WLS: variants seen among roughly 807,000 people sequenced by gnomAD.
The protein encoded by WLS is protein wntless homolog.
A neutral mutation model predicts 62.8 loss-of-function variants in WLS; 23 were observed. The observed-to-expected ratio is 0.37, with a 90% confidence interval of 0.26 to 0.52. WLS has a LOEUF of 0.52. Ranked by LOEUF, WLS falls within the 20% of genes least tolerant of loss-of-function variation. The pLI is 0.92. For missense variants in WLS, 615 were observed against 697.3 expected (o/e 0.88, Z 1.33); for synonymous variants, 246 against 244.1 (o/e 1.01, Z -0.07).
downstream of WLS, among the ~76,000 whole-genome samples, chr1:68,124,628 T>C (rs1646402498): frequency 6.6e-6 from 1 of 152,136 alleles, no homozygotes; most frequent in Non-Finnish European, 1.5e-5. Flanking sequence ...AGTGGTTGAT[T>C]GGTAAGTGGA....
rs149362528 is a variant in WLS, at chr1:68,165,078, G to A, written c.380-5831C>T. 4.1e-3 allele frequency among the ~76,000 whole-genome samples: 619 copies of A among 152,288 alleles called. 3 individuals carry two copies. The highest frequency in any genetic ancestry group is 6.9e-3 in the Non-Finnish European group (471 of 68,030). On this transcript the variant is annotated intron_variant, in intron 2 of 11. Coordinates refer to ENST00000262348, the MANE Select transcript of WLS (RefSeq NM_024911.7). ...CAATAAAGTACATCCTACTTATAAC[G>A]CTGGGAGTAGGAATTGGGACTTTAA...
At chr1:68,162,643 G>C (rs796340214) in intron 2 of WLS, 3 of 1,239,668 alleles carry the variant, frequency 2.4e-6, no homozygotes, top group South Asian at 2.5e-5. Context: ...GTACAGCCAT[G>C]TGTTCCTCTG....
intron 1 of WLS, among the ~76,000 whole-genome samples, chr1:68,204,304 CTTAGGAATTATTATTATTA>C (rs1259304320): frequency 1.3e-5 from 2 of 152,008 alleles, no homozygotes; most frequent in Non-Finnish European, 2.9e-5. Context: ...CATTCACATT[CTTAGGAATTATTATTATTA>C]TTAATTTTTT....
chr1:68,191,605 T>A (rs11209230), intron 2 of WLS, among the ~76,000 whole-genome samples: 18,336 of 152,166 alleles, frequency 0.12, 1,433 homozygotes, highest in African/African-American at 0.23. Context: ...TGATCTTATA[T>A]CCCCAGTACT....
chr1:68,123,598 T>C (rs1490663833), downstream of WLS, among the ~76,000 whole-genome samples: 1 of 152,096 alleles, frequency 6.6e-6, no homozygotes, highest in African/African-American at 2.4e-5. Context: ...CTCATCATCT[T>C]GCCCACTGTG....
rs1646764657 is a variant in WLS at position 68,147,276 on chromosome 1, G to C, written c.1134+860C>G. 2.6e-5 allele frequency among the ~76,000 whole-genome samples: 4 copies of C among 152,126 alleles called. No homozygotes were observed. In the South Asian group the frequency reaches 6.2e-4, roughly 24 times the overall value. On this transcript the variant is annotated intron_variant, in intron 8 of 11. Coordinates refer to ENST00000262348, the MANE Select transcript of WLS (RefSeq NM_024911.7). ...ATTTAACATTAGAAACATTCTTCTT[G>C]TTGTGCAGCTAACATTTGGTGGGGG...
chr1:68,224,288 A>G lies in WLS; in HGVS notation c.106+7906T>C, dbSNP rs186275049. Among the ~76,000 whole-genome samples the G allele has an allele frequency of 5.8e-4, 89 of 152,242 alleles. No homozygotes were observed. The Middle Eastern group carries it at 0.014, about 23-fold the overall frequency. ...AGAAATGTTAGCTCAGTTTTGGGGG[A>G]TTGGGTGACACTGGAAGCAGGTTTT... On this transcript the variant is annotated intron_variant, in intron 1 of 11. Coordinates refer to ENST00000262348, the MANE Select transcript of WLS (RefSeq NM_024911.7).
At chr1:68,228,358 A>T in intron 1 of WLS, 2 of 337,338 alleles carry the variant, frequency 5.9e-6, no homozygotes, top group South Asian at 4.7e-5. Context: ...CAACCATTAT[A>T]TTTCTGAGAC....
chr1:68,200,805 C>T (rs957474639), intron 1 of WLS, among the ~76,000 whole-genome samples: 5 of 152,200 alleles, frequency 3.3e-5, no homozygotes, highest in Middle Eastern at 3.4e-3. Flanking sequence ...CTAAGCTCTG[C>T]CTATCTAAAT....
Position 68,126,150 on chromosome 1 carries a change from C to A in WLS, c.*76G>T. 1 of 1,576,296 alleles carries A rather than the reference C, an allele frequency of 6.3e-7. No homozygotes were observed. Among genetic ancestry groups the A allele is most frequent in the Non-Finnish European group, 8.6e-7 (1 of 1,161,482 alleles). ...GAGGCATTCATTTGTACATTGAGCT[C>A]TCTCTGGCATGCTCCCCACTCTAGT... On this transcript the variant is annotated 3_prime_UTR_variant, in exon 12 of 12. Coordinates refer to ENST00000262348, the MANE Select transcript of WLS (RefSeq NM_024911.7).
At chr1:68,110,314 C>A (rs1646207989) in intron 11 of WLS, among the ~76,000 whole-genome samples, 1 of 151,784 alleles carries the variant, frequency 6.6e-6, no homozygotes, top group African/African-American at 2.4e-5. Context: ...ACATTGGAAA[C>A]AATTTAAAAT....
chr1:68,132,546 G>A (rs1216042473), intron 11 of WLS, among the ~76,000 whole-genome samples: 4 of 152,180 alleles, frequency 2.6e-5, no homozygotes, highest in Non-Finnish European at 4.4e-5. Context: ...ACCTCCAGGA[G>A]TAAAACTGAC....
At chr1:68,175,879 T>C (rs955270074) in intron 2 of WLS, among the ~76,000 whole-genome samples, 2 of 152,228 alleles carry the variant, frequency 1.3e-5, no homozygotes, top group Admixed American at 6.5e-5. Flanking sequence ...AATACATTTG[T>C]GCTGCCAGCA....
At chr1:68,174,364 G>T (rs1356501268) in intron 2 of WLS, among the ~76,000 whole-genome samples, 1 of 152,136 alleles carries the variant, frequency 6.6e-6, no homozygotes, top group African/African-American at 2.4e-5. Context: ...CTCAGCTTTG[G>T]GGTTCTATTT....
chr1:68,188,993 G>A (rs894355005), intron 2 of WLS, among the ~76,000 whole-genome samples: 4 of 152,186 alleles, frequency 2.6e-5, no homozygotes, highest in African/African-American at 9.7e-5. Context: ...GTTAGCAGAG[G>A]TCAATCACAG....
chr1:68,213,562 T>C (rs1169307543), intron 1 of WLS, among the ~76,000 whole-genome samples: 1 of 152,130 alleles, frequency 6.6e-6, no homozygotes, highest in Non-Finnish European at 1.5e-5. Flanking sequence ...CTCATGGCTT[T>C]CTGTATTAAG....
At chr1:68,169,042 A>T (rs1309828960) in intron 2 of WLS, among the ~76,000 whole-genome samples, 1 of 152,250 alleles carries the variant, frequency 6.6e-6, no homozygotes, top group African/African-American at 2.4e-5. Context: ...CCAGCCTAAC[A>T]GTTTAGTTCA....
At chr1:68,228,297 C>T (rs971810356) in intron 1 of WLS, 4 of 429,188 alleles carry the variant, frequency 9.3e-6, no homozygotes, top group Non-Finnish European at 1.8e-5. Flanking sequence ...CAGTTCTGAT[C>T]TTCATACTCT....
intron 2 of WLS, among the ~76,000 whole-genome samples, chr1:68,188,355 A>G (rs1341455454): frequency 6.6e-6 from 1 of 152,232 alleles, no homozygotes; most frequent in South Asian, 2.1e-4. Context: ...TGGCAGAAGA[A>G]TGATACAATC....
Sources: allele counts gnomAD v4.1 joint callset (sites outside exome capture counted in the v4.1 genomes callset), GRCh38; gene constraint gnomAD v4.1.1; transcripts MANE v1.5; gene names NCBI Gene and HGNC (gene_info 2026-07-23, HGNC 2026-07-21).